PTPRG: variants seen among roughly 807,000 people sequenced by gnomAD.
The protein encoded by PTPRG is protein tyrosine phosphatase receptor type G.
In PTPRG, 102 loss-of-function variants were observed where a neutral mutation model predicts 165.3. The observed-to-expected ratio is 0.62, with a 90% CI of 0.53 to 0.73. PTPRG has a LOEUF of 0.73. Ranked by LOEUF, PTPRG falls within the 30% of genes least tolerant of loss-of-function variation. PTPRG has a pLI of 0.00. For missense variants in PTPRG, 1,866 were observed against 1,861.4 expected, an observed-to-expected ratio of 1.00 and a Z score of -0.05; for synonymous variants, 675 against 669.5, an observed-to-expected ratio of 1.01 and a Z score of -0.13.
At chr3:61,629,123 G>A (rs1238277813) in intron 1 of PTPRG, among the ~76,000 whole-genome samples, 16 of 152,106 alleles carry the variant, frequency 1.1e-4, no homozygotes, top group Admixed American at 1.0e-3. Context: ...TTCACTCGGG[G>A]CACCTGCATG....
At chr3:61,951,059 C>T (rs929807313) in intron 2 of PTPRG, among the ~76,000 whole-genome samples, 12 of 152,192 alleles carry the variant, frequency 7.9e-5, no homozygotes, top group Non-Finnish European at 1.5e-5. Context: ...GTAAGCAGTA[C>T]AAGAAGCTGT....
chr3:62,282,389 ATTTTTT>A (rs141570014), intron 27 of PTPRG, among the ~76,000 whole-genome samples: 6 of 143,684 alleles, frequency 4.2e-5, no homozygotes, highest in African/African-American at 7.6e-5. Context: ...TGACTAGTTA[ATTTTTT>A]TTTTTTTTTA....
chr3:62,293,241 C>T lies in PTPRG; in HGVS notation c.4272C>T (p.Asp1424=). ...ATGGAAATGGTCCCATGACAGTAGA[C>T]AAAAATGGTGCTGTTCTTATTGCAG... ...KENGNGPMTV[D]KNGAVLIADE... The change falls in exon 30 of 30, where the codon GAC becomes GAT. Residue 1424 remains aspartate, a synonymous_variant. Transcript: ENST00000474889. 1.2e-6 allele frequency: 2 copies of T among 1,611,902 alleles called. No individual in the cohort carries two copies. The highest frequency in any genetic ancestry group is 1.7e-6 in the Non-Finnish European group (2 of 1,179,176).
At chr3:61,566,938 T>A (rs948707775) in intron 1 of PTPRG, among the ~76,000 whole-genome samples, 3 of 152,220 alleles carry the variant, frequency 2.0e-5, no homozygotes, top group African/African-American at 7.2e-5. Flanking sequence ...ATTAAGAGAT[T>A]TAAACAATTG....
rs564761041 is a variant in PTPRG, at chr3:62,166,197, C to CTTTTT, written c.841-1742_841-1738dup. ...TGGCTGCATATTTCAAATTACAGTT[C>CTTTTT]TTTTTTTTTTTTTTTTTTTTTTTTT... On this transcript the variant is annotated intron_variant, in intron 7 of 29. Transcript: ENST00000474889. Among the ~76,000 whole-genome samples, 11 of 53,932 alleles carry CTTTTT rather than the reference C, an allele frequency of 2.0e-4. 5 individuals carry two copies. The highest frequency in any genetic ancestry group is 3.0e-4 in the African/African-American group (4 of 13,382). 35.4% of individuals were successfully genotyped at this position (53,932 alleles called of 152,430 possible).
chr3:62,270,101 G>A (rs1178611451), intron 20 of PTPRG, among the ~76,000 whole-genome samples: 3 of 152,048 alleles, frequency 2.0e-5, no homozygotes, highest in African/African-American at 4.8e-5. Context: ...AGGAAATACT[G>A]TATTAAGAAC....
intron 3 of PTPRG, among the ~76,000 whole-genome samples, chr3:62,001,293 CTAA>C (rs752504492): frequency 6.6e-6 from 1 of 152,132 alleles, no homozygotes; most frequent in Non-Finnish European, 1.5e-5. Flanking sequence ...GTACAGTTCC[CTAA>C]TTATGCTTTT....
intron 2 of PTPRG, among the ~76,000 whole-genome samples, chr3:61,854,529 C>T (rs2037048925): frequency 6.6e-6 from 1 of 152,214 alleles, no homozygotes; most frequent in Admixed American, 6.5e-5. Context: ...TGTACACATA[C>T]ATATTCATGG....
chr3:62,047,263 T>TTATTTATTTGTG (rs72146414), intron 4 of PTPRG, among the ~76,000 whole-genome samples: 1 of 149,842 alleles, frequency 6.7e-6, no homozygotes, highest in Non-Finnish European at 1.5e-5. Context: ...ATTTATTTAT[T>TTATTTATTTGTG]TATTTATTTT....
At chr3:61,735,542 T>C (rs1360183602) in intron 1 of PTPRG, among the ~76,000 whole-genome samples, 3 of 152,082 alleles carry the variant, frequency 2.0e-5, no homozygotes, top group Non-Finnish European at 4.4e-5. Context: ...TTTTTTTTTT[T>C]TTTCTTTGAA....
Position 62,252,746 on chromosome 3 carries a change from G to C in PTPRG, c.2468-2378G>C, listed in dbSNP as rs926936234. Among the ~76,000 whole-genome samples the C allele has an allele frequency of 4.6e-5, 7 of 152,302 alleles. No individual in the cohort carries two copies. The highest frequency in any genetic ancestry group is 4.6e-4 in the Admixed American group (7 of 15,304). ...TAGTCATAGCCTTATATTCATCTCAGTATAAAGAAAAGAGATTTATGACTC... is the reference window on the plus strand; with the variant it reads ...TAGTCATAGCCTTATATTCATCTCACTATAAAGAAAAGAGATTTATGACTC... On this transcript the variant is annotated intron_variant, in intron 15 of 29. Transcript: ENST00000474889. This position sits in a 1 kb window ranked among gnomAD's most constrained non-coding sequence, Gnocchi z 4.6.
chr3:62,037,449 A>G (rs184170696), intron 4 of PTPRG, among the ~76,000 whole-genome samples: 171 of 152,314 alleles, frequency 1.1e-3, no homozygotes, highest in African/African-American at 4.0e-3. Context: ...AGATGCCAGT[A>G]GCAGGTAGCA....
At chr3:62,186,567 C>CTTTTTTTTTTTTTTTTTTTT (rs35133425) in intron 8 of PTPRG, among the ~76,000 whole-genome samples, 4 of 117,542 alleles carry the variant, frequency 3.4e-5, no homozygotes, top group African/African-American at 1.0e-4. Context: ...TTTTCTTTTC[C>CTTTTTTTTTTTTTTTTTTTT]TTTTTTTTTT....
At chr3:61,824,621 G>A (rs1283972569) in intron 2 of PTPRG, among the ~76,000 whole-genome samples, 2 of 152,186 alleles carry the variant, frequency 1.3e-5, no homozygotes, top group Admixed American at 6.5e-5. Flanking sequence ...CCTGAGCCCA[G>A]GAGTTTGAGA....
At chr3:61,935,618 G>C (rs1442227639) in intron 2 of PTPRG, among the ~76,000 whole-genome samples, 1 of 150,636 alleles carries the variant, frequency 6.6e-6, no homozygotes, top group Admixed American at 6.6e-5. Context: ...TGCCATGTAG[G>C]GCTTTATATT....
At chr3:61,696,555 C>T (rs2030609895) in intron 1 of PTPRG, among the ~76,000 whole-genome samples, 1 of 152,192 alleles carries the variant, frequency 6.6e-6, no homozygotes, top group African/African-American at 2.4e-5. Flanking sequence ...CAATGTGAGC[C>T]CACATTTGGT....
chr3:62,184,386 G>C (rs1316146011), intron 8 of PTPRG, among the ~76,000 whole-genome samples: 1 of 152,190 alleles, frequency 6.6e-6, no homozygotes, highest in East Asian at 1.9e-4. Context: ...TTCCAGGTTT[G>C]AAGTCCTACG....
rs1361127178 is a variant in PTPRG, at chr3:61,816,822, A to G, written c.190+67840A>G. 2.0e-5 allele frequency among the ~76,000 whole-genome samples: 3 copies of G among 151,530 alleles called. No homozygotes were observed. The South Asian group carries it at 6.2e-4, about 31-fold the overall frequency. On this transcript the variant is annotated intron_variant, in intron 2 of 29. Coordinates refer to ENST00000474889, the MANE Select transcript of PTPRG (RefSeq NM_002841.4). The stretch of plus-strand genomic sequence containing the variant: ...CCAGATTTGAAGACCTTGGTGAGAT[A>G]AAAGTGATGTCTCACTGTGCTGATG...
At chr3:62,241,052 C>G (rs1384888656) in intron 14 of PTPRG, among the ~76,000 whole-genome samples, 1 of 152,114 alleles carries the variant, frequency 6.6e-6, no homozygotes, top group Non-Finnish European at 1.5e-5. Flanking sequence ...GGATAGACCT[C>G]AAAATATTAA....
Sources: allele counts gnomAD v4.1 joint callset (sites outside exome capture counted in the v4.1 genomes callset), GRCh38; gene constraint gnomAD v4.1.1; non-coding constraint Gnocchi (gnomAD v3.1); transcripts MANE v1.5; gene names NCBI Gene and HGNC (gene_info 2026-07-23, HGNC 2026-07-21).